Variants in FAM184B observed in about 807,000 individuals in gnomAD.
The protein encoded by FAM184B is family with sequence similarity 184 member B.
Under a neutral mutation model 135.9 loss-of-function variants are expected in FAM184B, and 111 were observed. The observed-to-expected ratio is 0.82, with a 90% CI of 0.70 to 0.96. The LOEUF is 0.96. Ranked by LOEUF, FAM184B falls within the 40% of genes least tolerant of loss-of-function variation. The pLI is 0.00. For missense variants in FAM184B, 1,375 were observed against 1,323.9 expected (o/e 1.04, Z -0.60); for synonymous variants, 552 against 524.8 (o/e 1.05, Z -0.71).
In FAM184B at chr4:17,647,645, C is replaced by T. The variant is rs757334488; in HGVS notation, c.2338G>A (p.Ala780Thr). The change falls in exon 12 of 18, where the codon GCC (alanine) becomes ACC (threonine). Residue 780 changes from alanine (A) to threonine (T), a missense_variant. By Grantham distance (58) the Ala-to-Thr change is moderately conservative. Transcript: ENST00000265018. ...AGGGCGGGGGCACTGACCTCTGTGG[C>T]GATTATGTGATCCTTGCTGTCTCCT... ...CPGDSKDHII[A>T]TEERGGPGQA... 5.3e-5 allele frequency: 82 copies of T among 1,549,642 alleles called. No individual in the cohort carries two copies. Among genetic ancestry groups the T allele is most frequent in the African/African-American group, 2.1e-4 (15 of 72,956 alleles).
chr4:17,675,237 G>A (rs1716284584), intron 7 of FAM184B, among the ~76,000 whole-genome samples: 1 of 152,170 alleles, frequency 6.6e-6, no homozygotes, highest in Non-Finnish European at 1.5e-5. Context: ...ATGAGCTACA[G>A]AATGAGTATT....
chr4:17,747,621 G>A (rs909866232), intron 1 of FAM184B, among the ~76,000 whole-genome samples: 1 of 151,816 alleles, frequency 6.6e-6, no homozygotes, highest in Non-Finnish European at 1.5e-5. Flanking sequence ...GTGAAATCCC[G>A]CCTCTATTAA....
At chr4:17,727,599 G>A (rs757051461) in intron 1 of FAM184B, among the ~76,000 whole-genome samples, 20 of 152,182 alleles carry the variant, frequency 1.3e-4, no homozygotes, top group Admixed American at 2.6e-4. Flanking sequence ...TGGCAGGGGA[G>A]AGAGTGAGTT....
chr4:17,708,109 C>G (rs575204159), intron 2 of FAM184B, among the ~76,000 whole-genome samples: 12 of 152,300 alleles, frequency 7.9e-5, no homozygotes, highest in African/African-American at 2.6e-4. Context: ...TCTATAAACA[C>G]AAAGTCCTGG....
chr4:17,648,345 ACT>A (rs1054714189), intron 11 of FAM184B, among the ~76,000 whole-genome samples: 2 of 150,164 alleles, frequency 1.3e-5, no homozygotes, highest in African/African-American at 4.9e-5. Flanking sequence ...ATTTATGTCA[ACT>A]CTTTTTTATT....
intron 1 of FAM184B, among the ~76,000 whole-genome samples, chr4:17,736,147 C>T (rs1317025165): frequency 1.3e-5 from 2 of 152,084 alleles, no homozygotes. Flanking sequence ...CTCATTATTG[C>T]CCCAGTTTTA....
intron 1 of FAM184B, among the ~76,000 whole-genome samples, chr4:17,773,166 T>C (rs1358191991): frequency 6.6e-6 from 1 of 152,174 alleles, no homozygotes; most frequent in Non-Finnish European, 1.5e-5. Context: ...CCCTCCCGGG[T>C]CTCAGATTCC....
At chr4:17,772,797 G>A (rs996982613) in intron 1 of FAM184B, among the ~76,000 whole-genome samples, 6 of 152,264 alleles carry the variant, frequency 3.9e-5, no homozygotes, top group African/African-American at 7.2e-5. Context: ...TTATCCATCC[G>A]GTCACAATGC....
intron 10 of FAM184B, among the ~76,000 whole-genome samples, chr4:17,653,597 C>T (rs1715693056): frequency 6.6e-6 from 1 of 151,970 alleles, no homozygotes; most frequent in African/African-American, 2.4e-5. Context: ...CATTTATTTA[C>T]TGAAGTCCCA....
At position 17,682,497 on chromosome 4, in the gene FAM184B, G is replaced by GTTTA. The variant is rs769894923; in HGVS notation, c.1596+5923_1596+5926dup. Among the ~76,000 whole-genome samples, 20 of 151,796 alleles carry GTTTA rather than the reference G, an allele frequency of 1.3e-4. No homozygotes were observed. The East Asian group carries it at 3.5e-3, about 26-fold the overall frequency. ...TCTTTTAGATTTCTTTTTATTGTTT[G>GTTTA]TTTATTTATTTATTTATTTTTGAGA... On this transcript the variant is annotated intron_variant, in intron 7 of 17. Transcript: ENST00000265018.
intron 1 of FAM184B, among the ~76,000 whole-genome samples, chr4:17,766,104 C>T (rs963051496): frequency 6.6e-6 from 1 of 152,198 alleles, no homozygotes; most frequent in Admixed American, 6.5e-5. Flanking sequence ...TTACAAAGAG[C>T]AAGATTGGGA....
chr4:17,663,615 AACACACAC>A (rs113627829), intron 8 of FAM184B, among the ~76,000 whole-genome samples: 55 of 150,034 alleles, frequency 3.7e-4, no homozygotes, highest in Non-Finnish European at 4.3e-4. Flanking sequence ...TCCCATTCAC[AACACACAC>A]ACACACACAC....
At chr4:17,668,255 C>T (rs1283331463) in intron 7 of FAM184B, among the ~76,000 whole-genome samples, 1 of 152,218 alleles carries the variant, frequency 6.6e-6, no homozygotes, top group Non-Finnish European at 1.5e-5. Context: ...AAAGAAGCAA[C>T]AGTTGAACGT....
At chr4:17,651,914 TGTG>T (rs1438719310) in intron 11 of FAM184B, among the ~76,000 whole-genome samples, 1 of 152,086 alleles carries the variant, frequency 6.6e-6, no homozygotes, top group African/African-American at 2.4e-5. Context: ...CTGGGGATGA[TGTG>T]GGGGCAGGCA....
intron 10 of FAM184B, among the ~76,000 whole-genome samples, chr4:17,654,688 G>A (rs941175582): frequency 2.6e-5 from 4 of 152,192 alleles, no homozygotes; most frequent in Non-Finnish European, 4.4e-5. Context: ...AGGCTCCTGT[G>A]AGGGAAGAAT....
At chr4:17,743,564 G>A (rs2108984512) in intron 1 of FAM184B, among the ~76,000 whole-genome samples, 1 of 152,204 alleles carries the variant, frequency 6.6e-6, no homozygotes. Context: ...TTCCTCCCCA[G>A]CCACTTCAGA....
At chr4:17,775,156 C>A (rs1351050142) in intron 1 of FAM184B, among the ~76,000 whole-genome samples, 2 of 151,226 alleles carry the variant, frequency 1.3e-5, no homozygotes, top group African/African-American at 4.9e-5. Context: ...ACCACCATGC[C>A]CAGCTAATTT....
At chr4:17,658,257 T>C in intron 10 of FAM184B, 93 bp downstream of exon 10, 1 of 1,076,820 alleles carries the variant, frequency 9.3e-7, no homozygotes. Flanking sequence ...CTCGGGGGAT[T>C]GGATGTCATG....
intron 10 of FAM184B, among the ~76,000 whole-genome samples, chr4:17,656,433 G>T (rs1211368218): frequency 4.6e-5 from 7 of 152,098 alleles, no homozygotes; most frequent in African/African-American, 1.7e-4. Context: ...ACGGAGTCTT[G>T]CCGTGTTGCC....
Sources: allele counts gnomAD v4.1 joint callset (sites outside exome capture counted in the v4.1 genomes callset), GRCh38; gene constraint gnomAD v4.1.1; transcripts MANE v1.5; gene names NCBI Gene and HGNC (gene_info 2026-07-23, HGNC 2026-07-21).